Variants in METTL16 observed in about 807,000 individuals in gnomAD.
The protein encoded by METTL16 is methyltransferase 16, RNA N6-adenosine.
In METTL16, 19 loss-of-function variants were observed where a neutral mutation model predicts 57.9. The ratio of observed to expected loss-of-function variants is 0.33; its 90% CI spans 0.23 to 0.48. The LOEUF is 0.48. METTL16 is among the 20% of genes least tolerant of loss of function. The pLI is 0.99. For missense variants in METTL16, 434 were observed against 691.5 expected, an observed-to-expected ratio of 0.63 and a Z score of 4.18; for synonymous variants, 246 against 255.6, an observed-to-expected ratio of 0.96 and a Z score of 0.36.
intron 6 of METTL16, among the ~76,000 whole-genome samples, chr17:2,443,228 CCTCT>C (rs979579103): frequency 6.6e-6 from 1 of 152,072 alleles, no homozygotes; most frequent in Admixed American, 6.6e-5. Context: ...CCCGCCTCAG[CCTCT>C]CTAAGTGCTG....
chr17:2,489,528 A>G (rs2067368256), intron 2 of METTL16, among the ~76,000 whole-genome samples: 1 of 151,796 alleles, frequency 6.6e-6, no homozygotes, highest in South Asian at 2.1e-4. Flanking sequence ...GGTGGCAGGC[A>G]ACTGTAATCG....
chr17:2,497,986 A>C (rs1041574471), intron 2 of METTL16, among the ~76,000 whole-genome samples: 1 of 151,478 alleles, frequency 6.6e-6, no homozygotes, highest in Non-Finnish European at 1.5e-5. Context: ...CGAGGTCAGG[A>C]GATCGAGACC....
At chr17:2,504,381 T>C (rs1337729895) in intron 1 of METTL16, among the ~76,000 whole-genome samples, 1 of 152,248 alleles carries the variant, frequency 6.6e-6, no homozygotes, top group African/African-American at 2.4e-5. Flanking sequence ...TTATGTTATG[T>C]ATATTTTTCC....
At chr17:2,491,041 G>A (rs1374189544) in intron 2 of METTL16, among the ~76,000 whole-genome samples, 1 of 152,172 alleles carries the variant, frequency 6.6e-6, no homozygotes, top group Non-Finnish European at 1.5e-5. Flanking sequence ...TAGTCTGAGT[G>A]TCAAAAATAC....
At chr17:2,424,724 G>C (rs1354737905) in intron 8 of METTL16, among the ~76,000 whole-genome samples, 1 of 152,060 alleles carries the variant, frequency 6.6e-6, no homozygotes, top group African/African-American at 2.4e-5. Context: ...TGAGGTGGGT[G>C]GATCACAAGG....
At chr17:2,489,111 C>CTTTTTTTTTTTTTT (rs11404983) in intron 2 of METTL16, among the ~76,000 whole-genome samples, 1 of 146,324 alleles carries the variant, frequency 6.8e-6, no homozygotes, top group Non-Finnish European at 1.5e-5. Flanking sequence ...ACTTTTCATT[C>CTTTTTTTTTTTTTT]TTTTTTTTTT....
chr17:2,477,520 C>G (rs1252534070), intron 3 of METTL16, 166 bp downstream of exon 3: 1 of 614,198 alleles, frequency 1.6e-6, no homozygotes, highest in Admixed American at 2.9e-5. Flanking sequence ...TCAAAGGTTG[C>G]AGATTTTGAA....
At chr17:2,498,653 C>T (rs1037520190) in intron 2 of METTL16, among the ~76,000 whole-genome samples, 3 of 151,298 alleles carry the variant, frequency 2.0e-5, no homozygotes, top group Admixed American at 1.3e-4. Context: ...ACAGGAGAAT[C>T]GTTTGAACCC....
chr17:2,440,504 G>A (rs1223087222), intron 7 of METTL16, among the ~76,000 whole-genome samples: 4 of 151,810 alleles, frequency 2.6e-5, no homozygotes, highest in Non-Finnish European at 4.4e-5. Flanking sequence ...ACATCGGCCT[G>A]CCAAAGTGCT....
Position 2,420,369 on chromosome 17 carries a change from G to T in METTL16, c.1290C>A (p.Thr430=), listed in dbSNP as rs61753102. The change falls in exon 10 of 10, where the codon ACC becomes ACA. Residue 430 remains threonine (T), a synonymous_variant. Transcript: ENST00000263092. The surrounding 1 kb of genome is among the most constrained non-coding windows in gnomAD (Gnocchi z 5.4). The part of the protein sequence containing the change: ...QELARGPQER[T]PCGPALREGE... The stretch of plus-strand genomic sequence containing the variant: ...CTTCCCGCAGAGCAGGCCCACAGGG[G>T]GTCCTCTCCTGGGGGCCCCTGGCCA... 107 of 1,612,344 alleles carry T rather than the reference G, an allele frequency of 6.6e-5. No homozygotes were observed. Among genetic ancestry groups the T allele is most frequent in the Non-Finnish European group, 8.6e-5 (102 of 1,180,018 alleles).
intron 6 of METTL16, among the ~76,000 whole-genome samples, chr17:2,445,728 G>T (rs926361016): frequency 6.6e-6 from 1 of 151,790 alleles, no homozygotes; most frequent in East Asian, 1.9e-4. Flanking sequence ...AGAGGTCACA[G>T]TGAGCTGAGA....
At chr17:2,468,384 G>A (rs2067215943) in intron 4 of METTL16, among the ~76,000 whole-genome samples, 1 of 152,154 alleles carries the variant, frequency 6.6e-6, no homozygotes, top group Admixed American at 6.5e-5. Flanking sequence ...ATGAACTAGG[G>A]TTTCCTTCCA....
In METTL16 at chr17:2,441,487, C is replaced by T. The variant is rs772363226; in HGVS notation, c.798+3G>A. On this transcript the variant is annotated splice_donor_region_variant and intron_variant, in intron 7 of 9. Coordinates refer to ENST00000263092, the MANE Select transcript of METTL16 (RefSeq NM_024086.4). ...CACGAGAACAGTAATGAGGAAGCCT[C>T]ACCCCTTGTATGCGAAGCTCCTCCT... 8.2e-6 allele frequency: 13 copies of T among 1,590,632 alleles called. No homozygotes were observed. Among genetic ancestry groups the T allele is most frequent in the Non-Finnish European group, 1.1e-5 (13 of 1,166,620 alleles).
intron 2 of METTL16, among the ~76,000 whole-genome samples, chr17:2,498,193 C>G (rs1184985372): frequency 7.1e-6 from 1 of 141,252 alleles, no homozygotes; most frequent in Non-Finnish European, 1.5e-5. Flanking sequence ...GACTCCATCT[C>G]AAAAAAAAAA....
At chr17:2,423,330 A>C (rs2066782706) in intron 8 of METTL16, among the ~76,000 whole-genome samples, 2 of 151,452 alleles carry the variant, frequency 1.3e-5, no homozygotes, top group Non-Finnish European at 2.9e-5. Flanking sequence ...TGAGAAATGA[A>C]TAGTGGACTC....
chr17:2,442,921 G>A (rs1034522010), intron 6 of METTL16, among the ~76,000 whole-genome samples: 3 of 151,912 alleles, frequency 2.0e-5, no homozygotes, highest in Non-Finnish European at 2.9e-5. Flanking sequence ...TCCGCCTTCC[G>A]GGTTGAGGTA....
At chr17:2,426,946 C>T (rs1303978791) in intron 8 of METTL16, among the ~76,000 whole-genome samples, 1 of 149,632 alleles carries the variant, frequency 6.7e-6, no homozygotes, top group Non-Finnish European at 1.5e-5. Context: ...ACCAGCCTGG[C>T]CAACATGGTG....
Position 2,420,806 on chromosome 17 carries a change from T to A in METTL16, c.987A>T (p.Ser329=), listed in dbSNP as rs750373010. ...CTTCCGCCGTCTCCGAGCGCAGAGG[T>A]GATGCTTTGAGGGATAATTCCTTCA... ...SVMKELSLKA[S]PLRSETAEGI... The change falls in exon 9 of 10, where the codon TCA becomes TCT. Residue 329 remains serine (S), a synonymous_variant. Transcript: ENST00000263092. The surrounding 1 kb of genome is among the most constrained non-coding windows in gnomAD (Gnocchi z 5.4). The A allele has an allele frequency of 2.5e-6, 4 of 1,614,200 alleles. No individual in the cohort carries two copies. Among genetic ancestry groups the A allele is most frequent in the Non-Finnish European group, 1.7e-6 (2 of 1,180,036 alleles).
In METTL16 at chr17:2,420,379, T is replaced by C. The variant is rs1393217605; in HGVS notation, c.1280A>G (p.Gln427Arg). Residue 427 changes from glutamine (Q) to arginine (R), a missense_variant, in exon 10 of 10, where the codon CAG (glutamine) becomes CGG (arginine). Physicochemically the swap from Gln to Arg is conservative, Grantham distance 43 (BLOSUM62 1). This residue lies in a region of METTL16 where 168 missense variants were observed against 149.6 expected (regional missense o/e 1.12). Coordinates refer to ENST00000263092, the MANE Select transcript of METTL16 (RefSeq NM_024086.4). The surrounding 1 kb of genome is among the most constrained non-coding windows in gnomAD (Gnocchi z 5.4). ...GNSQELARGP[Q>R]ERTPCGPALR... is the part of the protein sequence containing the mutation. ...AGCAGGCCCACAGGGGGTCCTCTCC[T>C]GGGGGCCCCTGGCCAGTTCTTGGCT... The C allele has an allele frequency of 2.5e-6, 4 of 1,613,088 alleles. No individual in the cohort carries two copies. Among genetic ancestry groups the C allele is most frequent in the South Asian group, 2.2e-5 (2 of 91,088 alleles).
Sources: gnomAD v4.1 joint callset for allele counts (sites outside exome capture counted in the v4.1 genomes callset) on GRCh38, gnomAD v4.1.1 for gene constraint, gnomAD v4.1.1 regional missense constraint, Gnocchi (gnomAD v3.1) non-coding constraint, MANE v1.5 for transcripts, NCBI Gene and HGNC (gene_info 2026-07-23, HGNC 2026-07-21) for gene names.